BORCS5: variants seen among roughly 807,000 people sequenced by gnomAD.
The protein encoded by BORCS5 is BLOC-1 related complex subunit 5.
A neutral mutation model predicts 22.1 loss-of-function variants in BORCS5; 17 were observed. That is an observed-to-expected ratio of 0.77 (90% CI 0.53 to 1.15). BORCS5 has a LOEUF of 1.15. Among genes scored for constraint, BORCS5 ranks in the 50% most tolerant of loss-of-function variants. BORCS5 has a pLI of 0.00. For missense variants in BORCS5, 247 were observed against 253.2 expected (o/e 0.98, Z 0.17); for synonymous variants, 117 against 99.8 (o/e 1.17, Z -1.03).
intron 2 of BORCS5, among the ~76,000 whole-genome samples, chr12:12,371,213 C>A (rs533521588): frequency 2.0e-5 from 3 of 152,154 alleles, no homozygotes; most frequent in Non-Finnish European, 4.4e-5. Flanking sequence ...TATTTAGAAT[C>A]CATTTCTGGA....
chr12:12,362,050 A>C (rs1863298180), intron 2 of BORCS5, among the ~76,000 whole-genome samples: 1 of 152,246 alleles, frequency 6.6e-6, no homozygotes, highest in Non-Finnish European at 1.5e-5. Context: ...ACCAAAGATT[A>C]GGAAATAATG....
intron 3 of BORCS5, among the ~76,000 whole-genome samples, chr12:12,442,548 C>T (rs920171831): frequency 6.6e-6 from 1 of 152,136 alleles, no homozygotes; most frequent in Non-Finnish European, 1.5e-5. Context: ...GAAAAACTTG[C>T]AATCCTTGGA....
chr12:12,406,000 GC>G (rs1354005603), intron 2 of BORCS5, among the ~76,000 whole-genome samples: 32 of 152,250 alleles, frequency 2.1e-4, no homozygotes, highest in African/African-American at 7.7e-4. Context: ...TACCTGCCGT[GC>G]CTTGCACGGC....
At chr12:12,385,565 G>A (rs907033975) in intron 2 of BORCS5, among the ~76,000 whole-genome samples, 4 of 149,882 alleles carry the variant, frequency 2.7e-5, no homozygotes, top group East Asian at 1.9e-4. Context: ...GCTAGAGTGC[G>A]GTGGCACAAT....
At chr12:12,432,535 G>T (rs1022206462) in intron 2 of BORCS5, among the ~76,000 whole-genome samples, 1 of 152,158 alleles carries the variant, frequency 6.6e-6, no homozygotes, top group African/African-American at 2.4e-5. Context: ...TTATCCCAGA[G>T]AAATGAAAAC....
intron 2 of BORCS5, among the ~76,000 whole-genome samples, chr12:12,382,949 T>C (rs956565072): frequency 6.6e-6 from 1 of 151,530 alleles, no homozygotes; most frequent in Admixed American, 6.6e-5. Context: ...TCTGACATTC[T>C]CTACCTTTTG....
chr12:12,366,058 C>T (rs1264202607), intron 2 of BORCS5, among the ~76,000 whole-genome samples: 3 of 152,166 alleles, frequency 2.0e-5, no homozygotes, highest in Non-Finnish European at 4.4e-5. Context: ...TGGGCTGCTG[C>T]AGGGGCCAGG....
chr12:12,421,161 A>G (rs1268690598), intron 2 of BORCS5, among the ~76,000 whole-genome samples: 2 of 152,176 alleles, frequency 1.3e-5, no homozygotes, highest in Admixed American at 6.5e-5. Context: ...GTTTTTGCCC[A>G]TTCGGTATGA....
chr12:12,422,657 C>T (rs1284995485), intron 2 of BORCS5, among the ~76,000 whole-genome samples: 2 of 151,952 alleles, frequency 1.3e-5, no homozygotes, highest in Non-Finnish European at 2.9e-5. Context: ...AGAGCAGTGA[C>T]AGCTTAACTT....
chr12:12,361,446 C>T (rs1863285002), intron 2 of BORCS5, 97 bp downstream of exon 2: 1 of 1,368,690 alleles, frequency 7.3e-7, no homozygotes, highest in Non-Finnish European at 1.0e-6. Context: ...GCTCTCTCAT[C>T]TCCTTTAGGT....
At chr12:12,408,882 T>C (rs777529960) in intron 2 of BORCS5, among the ~76,000 whole-genome samples, 38 of 152,232 alleles carry the variant, frequency 2.5e-4, no homozygotes, top group Non-Finnish European at 5.1e-4. Context: ...CTATTGTAAA[T>C]CATGTTCTTT....
At chr12:12,387,861 A>G (rs1863916259) in intron 2 of BORCS5, among the ~76,000 whole-genome samples, 2 of 151,562 alleles carry the variant, frequency 1.3e-5, no homozygotes. Context: ...TAGCTTGTTG[A>G]AGCCTTTTTT....
At position 12,434,692 on chromosome 12, in the gene BORCS5, A is replaced by G. The variant is rs1942515436; in HGVS notation, c.203-936A>G. 3.3e-5 allele frequency among the ~76,000 whole-genome samples: 5 copies of G among 152,222 alleles called. No homozygotes were observed. In the South Asian group the frequency reaches 1.0e-3, roughly 32 times the overall value. On this transcript the variant is annotated intron_variant, in intron 2 of 3. Transcript: ENST00000314565. The stretch of plus-strand genomic sequence containing the variant: ...GGTTTGGAAGAATATTTTCCTTAAA[A>G]TGTTATTTTTGTTAATGTATAAAGG...
At chr12:12,403,924 G>A (rs758453126) in intron 2 of BORCS5, among the ~76,000 whole-genome samples, 1 of 152,178 alleles carries the variant, frequency 6.6e-6, no homozygotes, top group African/African-American at 2.4e-5. Context: ...AAGGAACAAA[G>A]TTTAATCCTT....
intron 1 of BORCS5, among the ~76,000 whole-genome samples, 199 bp downstream of exon 1, chr12:12,357,708 C>T (rs1172743758): frequency 6.6e-6 from 1 of 152,182 alleles, no homozygotes; most frequent in Non-Finnish European, 1.5e-5. Flanking sequence ...CAAGCTAAGC[C>T]AGCGTGGGCG....
chr12:12,463,834 G>T (rs772783661), intron 3 of BORCS5, among the ~76,000 whole-genome samples: 12 of 152,176 alleles, frequency 7.9e-5, no homozygotes, highest in Non-Finnish European at 8.8e-5. Flanking sequence ...GACTGCCAAG[G>T]ACTTTAGACT....
At chr12:12,422,515 C>T (rs530436837) in intron 2 of BORCS5, among the ~76,000 whole-genome samples, 22 of 151,796 alleles carry the variant, frequency 1.4e-4, no homozygotes, top group Admixed American at 9.8e-4. Flanking sequence ...TTGGAAGAAT[C>T]GTTTGAACCC....
intron 2 of BORCS5, among the ~76,000 whole-genome samples, chr12:12,388,782 A>G (rs1863936741): frequency 1.3e-5 from 2 of 151,134 alleles, no homozygotes; most frequent in African/African-American, 4.9e-5. Context: ...TTTCCTGGCA[A>G]TATACTGGAA....
intron 3 of BORCS5, among the ~76,000 whole-genome samples, chr12:12,461,736 C>A (rs1034343971): frequency 1.6e-4 from 24 of 152,214 alleles, no homozygotes; most frequent in Non-Finnish European, 2.9e-4. Context: ...AGAAGAGAAG[C>A]AACAAAGAGT....
Sources: allele counts gnomAD v4.1 joint callset (sites outside exome capture counted in the v4.1 genomes callset), GRCh38; gene constraint gnomAD v4.1.1; transcripts MANE v1.5; gene names NCBI Gene and HGNC (gene_info 2026-07-23, HGNC 2026-07-21).